Variants in TRMT11 observed in about 807,000 individuals in gnomAD.
TRMT11 encodes tRNA methyltransferase 11, also known as tRNA (guanine(10)-N(2))-methyltransferase TRMT11.
Under a neutral mutation model 62.8 loss-of-function variants are expected in TRMT11, and 53 were observed. The ratio of observed to expected loss-of-function variants is 0.84; its 90% CI spans 0.68 to 1.06. TRMT11 has a LOEUF of 1.06. TRMT11 is among the 50% of genes least tolerant of loss of function. The pLI is 0.00. For synonymous variants in TRMT11, 188 were observed against 190.3 expected, an observed-to-expected ratio of 0.99 and a Z score of 0.10; for missense variants, 556 against 553.4, an observed-to-expected ratio of 1.00 and a Z score of -0.05.
intron 21 of TRMT11, among the ~76,000 whole-genome samples, chr6:126,129,571 A>T (rs980167994): frequency 6.6e-6 from 1 of 151,996 alleles, no homozygotes; most frequent in Non-Finnish European, 1.5e-5. Context: ...TGCCCAGGCT[A>T]GAGTGCAGTG....
chr6:126,049,833 A>G (rs1268351254), intron 16 of TRMT11, among the ~76,000 whole-genome samples: 1 of 152,224 alleles, frequency 6.6e-6, no homozygotes, highest in Non-Finnish European at 1.5e-5. Context: ...GAGAGAGGAA[A>G]GAAGCACATT....
chr6:126,240,595 C>T, the TRMT11 span, among the ~76,000 whole-genome samples: 16 of 152,240 alleles, frequency 1.1e-4, no homozygotes, highest in African/African-American at 3.6e-4. Context: ...AGTACCCGGC[C>T]GTGTGAGGTG....
the TRMT11 span, among the ~76,000 whole-genome samples, chr6:126,259,786 C>T: frequency 6.6e-6 from 1 of 152,104 alleles, no homozygotes; most frequent in Admixed American, 6.6e-5. Flanking sequence ...ATTGTTATAT[C>T]ATCTTGTTGA....
intron 7 of TRMT11, among the ~76,000 whole-genome samples, chr6:126,006,598 C>CTTT (rs11434290): frequency 6.8e-6 from 1 of 147,098 alleles, no homozygotes; most frequent in Non-Finnish European, 1.5e-5. Context: ...CTTCACTCTC[C>CTTT]TTTTTTTTTT....
At chr6:125,992,245 A>G (rs773740337) in intron 1 of TRMT11, among the ~76,000 whole-genome samples, 41 of 152,078 alleles carry the variant, frequency 2.7e-4, no homozygotes, top group Non-Finnish European at 5.6e-4. Context: ...TTAATCTTTC[A>G]CTTTTTTTCC....
intron 17 of TRMT11, among the ~76,000 whole-genome samples, chr6:126,093,621 A>ATTT (rs1225083747): frequency 1.3e-4 from 12 of 90,208 alleles, no homozygotes; most frequent in African/African-American, 1.0e-3. Flanking sequence ...ATATATATAT[A>ATTT]TATATATATA....
chr6:126,169,536 A>T (rs1052017089), intron 21 of TRMT11, among the ~76,000 whole-genome samples: 6 of 152,134 alleles, frequency 3.9e-5, no homozygotes, highest in South Asian at 2.1e-4. Context: ...CTTGGTTTTG[A>T]CTGCCTGGAT....
chr6:126,023,687 G>A (rs1796155948), intron 12 of TRMT11, among the ~76,000 whole-genome samples: 1 of 151,968 alleles, frequency 6.6e-6, no homozygotes, highest in Non-Finnish European at 1.5e-5. Flanking sequence ...CACACTGCCT[G>A]ATGCAATAAT....
At chr6:126,171,556 T>C (rs1263515597) in intron 21 of TRMT11, among the ~76,000 whole-genome samples, 1 of 152,150 alleles carries the variant, frequency 6.6e-6, no homozygotes, top group African/African-American at 2.4e-5. Context: ...AACCAAGATT[T>C]TTTTTTTTAA....
intron 21 of TRMT11, among the ~76,000 whole-genome samples, chr6:126,171,380 C>T (rs111255339): frequency 6.6e-6 from 1 of 151,354 alleles, no homozygotes; most frequent in East Asian, 1.9e-4. Flanking sequence ...TGGTGGGTGC[C>T]GGGGATATGT....
chr6:126,245,142 T>C, the TRMT11 span, among the ~76,000 whole-genome samples: 1 of 152,218 alleles, frequency 6.6e-6, no homozygotes, highest in Non-Finnish European at 1.5e-5. Context: ...ATTGGGAGGA[T>C]ATGTGAGCAA....
intron 21 of TRMT11, among the ~76,000 whole-genome samples, chr6:126,123,416 A>T (rs1020126521): frequency 1.3e-5 from 2 of 152,098 alleles, no homozygotes; most frequent in African/African-American, 2.4e-5. Flanking sequence ...GCCAGATGAG[A>T]TAAGGAGCGT....
intron 7 of TRMT11, among the ~76,000 whole-genome samples, chr6:126,001,862 A>G (rs1792551583): frequency 6.6e-6 from 1 of 151,934 alleles, no homozygotes; most frequent in African/African-American, 2.4e-5. Flanking sequence ...CCTCTCTTCC[A>G]TGTATTTGTT....
At chr6:125,988,500 T>A (rs1562227484) in intron 1 of TRMT11, among the ~76,000 whole-genome samples, 1 of 152,138 alleles carries the variant, frequency 6.6e-6, no homozygotes, top group African/African-American at 2.4e-5. Context: ...AGGGGTTCTC[T>A]TTTCAGTAGG....
At position 126,154,110 on chromosome 6, in the gene TRMT11, T is replaced by G. The variant is rs145789806; in HGVS notation, c.*1824-20715T>G. ...CAGTTAAAACTTTTTTCTTGACATCTGCCACTTTTTAAAAGCCCCCTAATT... is the reference window on the plus strand; with the variant it reads ...CAGTTAAAACTTTTTTCTTGACATCGGCCACTTTTTAAAAGCCCCCTAATT... On this transcript the variant is annotated intron_variant and NMD_transcript_variant, in intron 21 of 22. Coordinates refer to the TRMT11 transcript ENST00000648977. Among the ~76,000 whole-genome samples the G allele has an allele frequency of 9.4e-3, 1,435 of 152,342 alleles. 28 individuals carry two copies. Among genetic ancestry groups the G allele is most frequent in the African/African-American group, 0.032 (1,347 of 41,568 alleles).
chr6:126,033,459 T>G (rs1774590626), intron 12 of TRMT11, among the ~76,000 whole-genome samples: 1 of 152,192 alleles, frequency 6.6e-6, no homozygotes, highest in South Asian at 2.1e-4. Flanking sequence ...AAACATAGAT[T>G]GACTTGAATA....
At chr6:126,148,899 G>GT (rs2128220074) in intron 21 of TRMT11, among the ~76,000 whole-genome samples, 1 of 152,280 alleles carries the variant, frequency 6.6e-6, no homozygotes, top group African/African-American at 2.4e-5. Context: ...GTTAACTTTT[G>GT]TAAGAATGTT....
At chr6:126,241,811 A>G in the TRMT11 span, among the ~76,000 whole-genome samples, 3 of 152,234 alleles carry the variant, frequency 2.0e-5, no homozygotes, top group Non-Finnish European at 4.4e-5. Flanking sequence ...AATAAGAGCT[A>G]TTCATGGACA....
At chr6:126,022,261 C>G (rs922106459) in intron 12 of TRMT11, among the ~76,000 whole-genome samples, 1 of 151,696 alleles carries the variant, frequency 6.6e-6, no homozygotes, top group Non-Finnish European at 1.5e-5. Flanking sequence ...GTTGGCCAGG[C>G]TGGTCTTGAA....
Sources: gnomAD v4.1 joint callset for allele counts (sites outside exome capture counted in the v4.1 genomes callset) on GRCh38, gnomAD v4.1.1 for gene constraint, MANE v1.5 for transcripts, NCBI Gene and HGNC (gene_info 2026-07-23, HGNC 2026-07-21) for gene names.